TTPAL: variants seen among roughly 807,000 people sequenced by gnomAD.
The protein encoded by TTPAL is alpha tocopherol transfer protein like.
Under a neutral mutation model 28.7 loss-of-function variants are expected in TTPAL, and 21 were observed. The observed-to-expected ratio is 0.73, with a 90% CI of 0.52 to 1.06. The LOEUF is 1.06. Ranked by LOEUF, TTPAL falls within the 50% of genes least tolerant of loss-of-function variation. The pLI is 0.00. For missense variants in TTPAL, 345 were observed against 425.5 expected, an observed-to-expected ratio of 0.81 and a Z score of 1.67; for synonymous variants, 169 against 171.9, an observed-to-expected ratio of 0.98 and a Z score of 0.13.
At chr20:44,476,577 C>T (rs1038106372) in intron 1 of TTPAL, among the ~76,000 whole-genome samples, 15 of 152,232 alleles carry the variant, frequency 9.9e-5, no homozygotes, top group Non-Finnish European at 1.8e-4. Flanking sequence ...GGCAGACAAG[C>T]CCTCTGCCCT....
chr20:44,484,291 T>G lies in TTPAL; in HGVS notation c.446-46T>G, dbSNP rs376335325. On this transcript the variant is annotated intron_variant, in intron 2 of 4. Transcript: ENST00000262605. ...AGATAAATCTTTGTTTGACCACTTA[T>G]TTATATTAACTTCTGTAACATACTG... is the stretch of plus-strand genomic sequence containing the variant. 765 of 1,311,132 alleles carry G rather than the reference T, an allele frequency of 5.8e-4. 1 individual carries two copies. The highest frequency in any genetic ancestry group is 7.2e-4 in the Non-Finnish European group (707 of 984,908). 81.2% of individuals were successfully genotyped at this position (1,311,132 alleles called of 1,614,324 possible). A position where few individuals can be genotyped will look rare whatever the true frequency, so the allele number is the denominator to read the frequency against.
intron 1 of TTPAL, among the ~76,000 whole-genome samples, chr20:44,479,266 C>T (rs1029742425): frequency 6.6e-6 from 1 of 152,114 alleles, no homozygotes; most frequent in African/African-American, 2.4e-5. Flanking sequence ...AATGGAATTG[C>T]TGACCCAAAG....
intron 2 of TTPAL, among the ~76,000 whole-genome samples, chr20:44,482,247 G>A (rs111476953): frequency 2.0e-5 from 3 of 152,254 alleles, no homozygotes; most frequent in African/African-American, 4.8e-5. Context: ...GATCTTTCAC[G>A]AGAATTTTGC....
At chr20:44,477,506 A>G (rs1304729647) in intron 1 of TTPAL, among the ~76,000 whole-genome samples, 1 of 152,148 alleles carries the variant, frequency 6.6e-6, no homozygotes, top group Non-Finnish European at 1.5e-5. Flanking sequence ...TACCTACTCC[A>G]GGCCACCAGC....
At chr20:44,483,344 C>T (rs752400825) in intron 2 of TTPAL, among the ~76,000 whole-genome samples, 2 of 152,166 alleles carry the variant, frequency 1.3e-5, no homozygotes, top group Non-Finnish European at 2.9e-5. Context: ...AGCTCTCTTG[C>T]CTCATGGGGC....
At chr20:44,482,197 A>T (rs993971087) in intron 2 of TTPAL, among the ~76,000 whole-genome samples, 1 of 152,188 alleles carries the variant, frequency 6.6e-6, no homozygotes, top group East Asian at 1.9e-4. Flanking sequence ...GTTAATTGGC[A>T]GCAACGTTAG....
At position 44,480,313 on chromosome 20, in the gene TTPAL, G is replaced by A. The variant is rs1355107139; in HGVS notation, c.314G>A (p.Cys105Tyr). Residue 105 changes from cysteine to tyrosine, a missense_variant, in exon 2 of 5, where the codon TGT becomes TAT. Transcript: ENST00000262605. The surrounding 1 kb of genome is among the most constrained non-coding windows in gnomAD (Gnocchi z 4.1). ...CAGCTCCTCGTCAACTACCACAGCT[G>A]TAGAAGAAGCTGGCCCGAAGTCTTC... ...ALQLLVNYHS[C>Y]RRSWPEVFNN... 1.2e-6 allele frequency: 2 copies of A among 1,614,194 alleles called. No homozygotes were observed. The highest frequency in any genetic ancestry group is 1.7e-6 in the Non-Finnish European group (2 of 1,180,034).
chr20:44,489,437 G>T lies in TTPAL; in HGVS notation c.925G>T (p.Asp309Tyr). ...KEFCQPVPACDSILGQTLLPE... is the reference protein window; with the variant it reads ...KEFCQPVPACYSILGQTLLPE... ...GTTCTGCCAACCTGTTCCTGCCTGT[G>T]ACAGCATCCTGGGCCAGACGCTGCT... Residue 309 changes from aspartate to tyrosine, a missense_variant, in exon 5 of 5, where the codon GAC becomes TAC. Coordinates refer to ENST00000262605, the MANE Select transcript of TTPAL (RefSeq NM_001039199.3). 1 of 1,614,184 alleles carries T rather than the reference G, an allele frequency of 6.2e-7. No homozygotes were observed. Among genetic ancestry groups the T allele is most frequent in the Non-Finnish European group, 8.5e-7 (1 of 1,180,030 alleles).
In TTPAL at chr20:44,475,923, G is replaced by A. The variant is rs575792593; in HGVS notation, c.-84G>A. ...GCAGGCCGGGCAGGGAGTGCGGGTCGGTTCTGCGTGCGCTGCCGGACGAGG... is the reference window on the plus strand; with the variant it reads ...GCAGGCCGGGCAGGGAGTGCGGGTCAGTTCTGCGTGCGCTGCCGGACGAGG... On this transcript the variant is annotated 5_prime_UTR_variant, in exon 1 of 5. Transcript: ENST00000262605. 1 of 152,386 alleles carries A rather than the reference G, an allele frequency of 6.6e-6. No individual in the cohort carries two copies. Among genetic ancestry groups the A allele is most frequent in the East Asian group, 1.9e-4 (1 of 5,170 alleles). 9.4% of individuals were successfully genotyped at this position (152,386 alleles called of 1,614,324 possible).
At position 44,493,324 on chromosome 20, in the gene TTPAL, T is replaced by C. The variant is rs1018268608; in HGVS notation, c.*3783T>C. ...AAATCAGGTTACAAAACACCATTTT[T>C]CCCGAAATAAGACAATAAGAGGCTT... On this transcript the variant is annotated 3_prime_UTR_variant, in exon 5 of 5. Coordinates refer to ENST00000262605, the MANE Select transcript of TTPAL (RefSeq NM_001039199.3). 1 of 152,294 alleles carries C rather than the reference T, an allele frequency of 6.6e-6. No homozygotes were observed. The highest frequency in any genetic ancestry group is 2.4e-5 in the African/African-American group (1 of 41,438). The allele number at this position is 152,294 out of a possible 1,614,324, so 9.4% of individuals were successfully genotyped here.
chr20:44,480,496 G>A lies in TTPAL; in HGVS notation c.445+52G>A. 1 of 1,497,570 alleles carries A rather than the reference G, an allele frequency of 6.7e-7. No homozygotes were observed. The highest frequency in any genetic ancestry group is 1.4e-5 in the African/African-American group (1 of 71,964). 92.8% of individuals were successfully genotyped at this position (1,497,570 alleles called of 1,614,324 possible). Reference sequence around the variant, plus strand: ...TGTGTGTCCAGTCCTTCTGCAGTGTGTCCATTCAGCACCCTGTCCTCCTTT... The same window carrying A: ...TGTGTGTCCAGTCCTTCTGCAGTGTATCCATTCAGCACCCTGTCCTCCTTT... On this transcript the variant is annotated intron_variant, in intron 2 of 4. Transcript: ENST00000262605. The surrounding 1 kb of genome is among the most constrained non-coding windows in gnomAD (Gnocchi z 4.1).
At chr20:44,481,920 T>C (rs2122819283) in intron 2 of TTPAL, among the ~76,000 whole-genome samples, 1 of 152,322 alleles carries the variant, frequency 6.6e-6, no homozygotes, top group African/African-American at 2.4e-5. Context: ...TGCTCCTCTG[T>C]ACTCAACTCA....
intron 2 of TTPAL, among the ~76,000 whole-genome samples, chr20:44,481,357 C>A (rs1377424317): frequency 6.6e-6 from 1 of 151,884 alleles, no homozygotes; most frequent in African/African-American, 2.4e-5. Flanking sequence ...CCAGCCTGGG[C>A]AACATAGTGA....
chr20:44,479,932 T>C (rs542368463), intron 1 of TTPAL, 53 bp from the exon 2 acceptor site: 2 of 1,486,362 alleles, frequency 1.3e-6, no homozygotes, highest in African/African-American at 2.8e-5. Flanking sequence ...TGTACTGCCC[T>C]AGGATTTGAA....
intron 3 of TTPAL, chr20:44,485,986 G>A (rs375373854): frequency 3.9e-5 from 6 of 152,148 alleles, no homozygotes; most frequent in African/African-American, 1.4e-4. Context: ...TATACTTTGG[G>A]CAACACTGAT....
rs2064228444 is a variant in TTPAL, at chr20:44,493,671, G to C, written c.*4130G>C. 6.6e-6 allele frequency: 1 copy of C among 152,298 alleles called. No individual in the cohort carries two copies. Among genetic ancestry groups the C allele is most frequent in the African/African-American group, 2.4e-5 (1 of 41,414 alleles). The allele number at this position is 152,298 out of a possible 1,614,324, so 9.4% of individuals were successfully genotyped here. Reference sequence around the variant, plus strand: ...TATACCGAACAGAAACATGCCTACTGTTCAGGAAAGATGTCAGTTCTGGTA... The same window carrying C: ...TATACCGAACAGAAACATGCCTACTCTTCAGGAAAGATGTCAGTTCTGGTA... On this transcript the variant is annotated 3_prime_UTR_variant, in exon 5 of 5. Transcript: ENST00000262605.
At chr20:44,479,399 GTTTTTTT>G (rs869123576) in intron 1 of TTPAL, among the ~76,000 whole-genome samples, 2 of 81,558 alleles carry the variant, frequency 2.5e-5, no homozygotes, top group Non-Finnish European at 5.1e-5. Flanking sequence ...AATCTGAGTT[GTTTTTTT>G]TTTTTTTTTT....
chr20:44,488,788 G>C (rs900411281), intron 4 of TTPAL, among the ~76,000 whole-genome samples: 1 of 152,208 alleles, frequency 6.6e-6, no homozygotes, highest in South Asian at 2.1e-4. Flanking sequence ...AGACTGGAGG[G>C]GCAGGTGGTG....
intron 3 of TTPAL, among the ~76,000 whole-genome samples, chr20:44,485,634 T>C (rs186305866): frequency 1.4e-3 from 207 of 152,342 alleles, no homozygotes; most frequent in African/African-American, 4.8e-3. Flanking sequence ...TTATCAAACA[T>C]TTGGATTCTG....
Sources: gnomAD v4.1 joint callset for allele counts (sites outside exome capture counted in the v4.1 genomes callset) on GRCh38, gnomAD v4.1.1 for gene constraint, Gnocchi (gnomAD v3.1) non-coding constraint, MANE v1.5 for transcripts, NCBI Gene and HGNC (gene_info 2026-07-23, HGNC 2026-07-21) for gene names.